The following KCNH3 variants were observed in gnomAD, a reference collection of about 807,000 sequenced individuals.
KCNH3 encodes the protein potassium voltage-gated channel subfamily H member 3, also known as voltage-gated inwardly rectifying potassium channel KCNH3.
Under a neutral mutation model 95.6 loss-of-function variants are expected in KCNH3, and 36 were observed. The ratio of observed to expected loss-of-function variants is 0.38; its 90% confidence interval spans 0.29 to 0.50. The LOEUF is 0.50. Ranked by LOEUF, KCNH3 falls within the 20% of genes least tolerant of loss-of-function variation. The pLI is 0.95. For synonymous variants in KCNH3, 620 were observed against 646.3 expected (o/e 0.96, Z 0.62); for missense variants, 1,030 against 1,484.1 (o/e 0.69, Z 5.03).
In KCNH3 at chr12:49,539,187, G is replaced by C. The variant is rs1393963927; in HGVS notation, c.-230G>C. ...CGGGGCCTGGAGCCCGGGATTTGTG[G>C]GCGGCGAGGGCGCGAGGGGCCGCGC... On this transcript the variant is annotated 5_prime_UTR_variant, in exon 1 of 15. Coordinates refer to ENST00000257981, the MANE Select transcript of KCNH3 (RefSeq NM_012284.3). The surrounding 1 kb of genome is among the most constrained non-coding windows in gnomAD (Gnocchi z 6.7). 1 of 156,120 alleles carries C rather than the reference G, an allele frequency of 6.4e-6. No individual in the cohort carries two copies. Among genetic ancestry groups the C allele is most frequent in the Non-Finnish European group, 1.4e-5 (1 of 71,232 alleles). 9.7% of individuals were successfully genotyped at this position (156,120 alleles called of 1,614,324 possible). A position where few individuals can be genotyped will look rare whatever the true frequency, so the allele number is the denominator to read the frequency against.
intron 10 of KCNH3, among the ~76,000 whole-genome samples, chr12:49,552,600 G>C (rs761349665): frequency 1.3e-5 from 2 of 152,164 alleles, no homozygotes; most frequent in Non-Finnish European, 2.9e-5. Context: ...AGGCAGCTCT[G>C]GGTTCTGGCG....
rs147398995 is a variant in KCNH3 at position 49,548,799 on chromosome 12, G to A, written c.1190-96G>A. ...AAGGGGCAAAGCGGCGGGAAGCCATGGGGCTGGGTCTGTGTCTGCGTGTCC... is the reference window on the plus strand; with the variant it reads ...AAGGGGCAAAGCGGCGGGAAGCCATAGGGCTGGGTCTGTGTCTGCGTGTCC... On this transcript the variant is annotated intron_variant, in intron 7 of 14. Coordinates refer to ENST00000257981, the MANE Select transcript of KCNH3 (RefSeq NM_012284.3). The A allele has an allele frequency of 2.4e-3, 3,172 of 1,307,706 alleles. 18 individuals carry two copies. The highest frequency in any genetic ancestry group is 0.02 in the Middle Eastern group (84 of 4,232). 81.0% of individuals were successfully genotyped at this position (1,307,706 alleles called of 1,614,324 possible). A position where few individuals can be genotyped will look rare whatever the true frequency, so the allele number is the denominator to read the frequency against.
intron 7 of KCNH3, among the ~76,000 whole-genome samples, chr12:49,545,801 T>C (rs1054563076): frequency 9.2e-5 from 14 of 152,000 alleles, no homozygotes; most frequent in Middle Eastern, 3.2e-3. Context: ...CTGTGAATCC[T>C]CTCTCCCTCT....
At chr12:49,548,115 T>C (rs982546978) in intron 7 of KCNH3, among the ~76,000 whole-genome samples, 21 of 151,776 alleles carry the variant, frequency 1.4e-4, no homozygotes, top group African/African-American at 5.1e-4. Context: ...TGTGTGTGTG[T>C]GTGTGTGTGT....
At chr12:49,554,216 A>G in intron 10 of KCNH3, 121 bp from the exon 11 acceptor site, 9 of 779,002 alleles carry the variant, frequency 1.2e-5, no homozygotes, top group Non-Finnish European at 1.7e-5. Context: ...TGCTGGCTTC[A>G]AGGCTTCAGC....
At position 49,550,342 on chromosome 12, in the gene KCNH3, G is replaced by A. The variant is rs762668389; in HGVS notation, c.1918+13G>A. The A allele has an allele frequency of 6.3e-7, 1 of 1,591,332 alleles. No homozygotes were observed. Among genetic ancestry groups the A allele is most frequent in the South Asian group, 1.1e-5 (1 of 90,518 alleles). On this transcript the variant is annotated intron_variant, in intron 10 of 14. Transcript: ENST00000257981. ...CTCGCCATCCTAGGTTTGTGAGGGTGGGAGAGAGGGCGTGGGGGCACGTGT... is the reference window on the plus strand; with the variant it reads ...CTCGCCATCCTAGGTTTGTGAGGGTAGGAGAGAGGGCGTGGGGGCACGTGT...
chr12:49,543,703 C>A, intron 5 of KCNH3, 185 bp downstream of exon 5: 2 of 1,029,514 alleles, frequency 1.9e-6, no homozygotes, highest in Non-Finnish European at 2.8e-6. Context: ...TGACCTTGAG[C>A]TGGTCAAAGC....
At chr12:49,550,646 G>A (rs1938228638) in intron 10 of KCNH3, among the ~76,000 whole-genome samples, 1 of 152,164 alleles carries the variant, frequency 6.6e-6, no homozygotes, top group South Asian at 2.1e-4. Context: ...CAGAAGCTAG[G>A]GATGGAAGTG....
intron 7 of KCNH3, among the ~76,000 whole-genome samples, chr12:49,547,791 C>T (rs1328910209): frequency 6.6e-6 from 1 of 152,038 alleles, no homozygotes; most frequent in Non-Finnish European, 1.5e-5. Flanking sequence ...CCAACTGCAT[C>T]CTGTGACCCC....
chr12:49,539,428 G>T lies in KCNH3; in HGVS notation c.12G>T (p.Met4Ile). Reference sequence around the variant, plus strand: ...CGCGGGCGCCTAAGATGCCGGCCATGCGGGGCCTCCTGGCGCCGCAGAACA... The same window carrying T: ...CGCGGGCGCCTAAGATGCCGGCCATTCGGGGCCTCCTGGCGCCGCAGAACA... MPA[M>I]RGLLAPQNTF... Residue 4 changes from methionine (M) to isoleucine (I), a missense_variant, in exon 1 of 15, where the codon ATG (methionine) becomes ATT (isoleucine). Physicochemically the swap from Met to Ile is conservative, Grantham distance 10 (BLOSUM62 1). Transcript: ENST00000257981. The surrounding 1 kb of genome is among the most constrained non-coding windows in gnomAD (Gnocchi z 6.7). 1 of 1,563,526 alleles carries T rather than the reference G, an allele frequency of 6.4e-7. No homozygotes were observed. Among genetic ancestry groups the T allele is most frequent in the Admixed American group, 1.9e-5 (1 of 52,954 alleles).
At chr12:49,548,180 G>C (rs1194402006) in intron 7 of KCNH3, among the ~76,000 whole-genome samples, 1 of 151,966 alleles carries the variant, frequency 6.6e-6, no homozygotes, top group East Asian at 1.9e-4. Context: ...TCTTGTCCAC[G>C]AAAGTGTGTC....
intron 5 of KCNH3, 114 bp from the exon 6 acceptor site, chr12:49,543,801 G>C: frequency 7.3e-7 from 1 of 1,362,962 alleles, no homozygotes; most frequent in Non-Finnish European, 1.0e-6. Context: ...GAACTAAGAC[G>C]ATGTATGGGA....
At chr12:49,550,448 G>A (rs1002487432) in intron 10 of KCNH3, 119 bp downstream of exon 10, 29 of 1,286,196 alleles carry the variant, frequency 2.3e-5, no homozygotes, top group South Asian at 4.4e-5. Context: ...CAGCCAGGGT[G>A]GAGTCAGGAG....
chr12:49,544,145 T>TGCCCCA, intron 6 of KCNH3, 30 bp from the exon 7 acceptor site: 1 of 818,374 alleles, frequency 1.2e-6, no homozygotes, highest in Non-Finnish European at 2.0e-6. Context: ...CTGACCTCCC[T>TGCCCCA]CCCTCCCTCC....
intron 4 of KCNH3, 97 bp downstream of exon 4, chr12:49,542,936 C>A: frequency 7.0e-7 from 1 of 1,436,066 alleles, no homozygotes; most frequent in Non-Finnish European, 9.3e-7. Flanking sequence ...GTCCTAGGGG[C>A]CACCCAGGCC....
chr12:49,548,963 G>A lies in KCNH3; in HGVS notation c.1258G>A (p.Gly420Arg). ...CCTGGTGGGCCGGAGGCCAGCTGGA[G>A]GGAACAGCTCCGGCCAGAGTGACAA... ...YYLVGRRPAG[G>R]NSSGQSDNCS... Residue 420 changes from glycine (G) to arginine (R), a missense_variant, in exon 8 of 15, where the codon GGG becomes AGG. Around this residue, in one of 9 missense-constraint regions of KCNH3, gnomAD observed 50 missense variants for 41.0 expected, o/e 1.22. Transcript: ENST00000257981. 1 of 1,609,298 alleles carries A rather than the reference G, an allele frequency of 6.2e-7. No individual in the cohort carries two copies. The highest frequency in any genetic ancestry group is 8.5e-7 in the Non-Finnish European group (1 of 1,178,494).
At chr12:49,548,371 T>C (rs1420538428) in intron 7 of KCNH3, among the ~76,000 whole-genome samples, 1 of 152,054 alleles carries the variant, frequency 6.6e-6, no homozygotes, top group African/African-American at 2.4e-5. Context: ...TGCATGTCCA[T>C]GCAGGCGTGC....
intron 3 of KCNH3, 58 bp downstream of exon 3, chr12:49,541,822 C>T (rs1331983265): frequency 1.3e-6 from 2 of 1,590,950 alleles, no homozygotes; most frequent in African/African-American, 1.4e-5. Flanking sequence ...CGGGCGGGGC[C>T]TTGGCACCCA....
Position 49,539,442 on chromosome 12 carries a change from C to T in KCNH3, c.26C>T (p.Ala9Val), listed in dbSNP as rs1490886802. Residue 9 changes from alanine (A) to valine (V), a missense_variant, in exon 1 of 15, where the codon GCG becomes GTG. Physicochemically the swap from Ala to Val is moderately conservative, Grantham distance 64 (BLOSUM62 0). Coordinates refer to ENST00000257981, the MANE Select transcript of KCNH3 (RefSeq NM_012284.3). This position sits in a 1 kb window ranked among gnomAD's most constrained non-coding sequence, Gnocchi z 6.7. ...ATGCCGGCCATGCGGGGCCTCCTGGCGCCGCAGAACACCTTCCTGGACACC... is the reference window on the plus strand; with the variant it reads ...ATGCCGGCCATGCGGGGCCTCCTGGTGCCGCAGAACACCTTCCTGGACACC... MPAMRGLL[A>V]PQNTFLDTIA... is the part of the protein sequence containing the mutation. The T allele has an allele frequency of 1.3e-6, 2 of 1,568,604 alleles. No homozygotes were observed. The highest frequency in any genetic ancestry group is 2.6e-5 in the East Asian group (1 of 38,526).
Sources: allele counts gnomAD v4.1 joint callset (sites outside exome capture counted in the v4.1 genomes callset), GRCh38; gene constraint gnomAD v4.1.1; regional missense constraint gnomAD v4.1.1; non-coding constraint Gnocchi (gnomAD v3.1); transcripts MANE v1.5; gene names NCBI Gene and HGNC (gene_info 2026-07-23, HGNC 2026-07-21).